TENM2: variants seen among roughly 807,000 people sequenced by gnomAD.
TENM2 encodes the protein teneurin-2.
In TENM2, 52 loss-of-function variants were observed where a neutral mutation model predicts 245.2. The ratio of observed to expected loss-of-function variants is 0.21; its 90% confidence interval spans 0.17 to 0.27. The LOEUF (loss-of-function observed/expected upper bound fraction) is 0.27. TENM2 is among the 10% of genes least tolerant of loss of function. The pLI is 1.00. For synonymous variants in TENM2, 1,363 were observed against 1,438.9 expected, an observed-to-expected ratio of 0.95 and a Z score of 1.19; for missense variants, 3,046 against 3,666.8, an observed-to-expected ratio of 0.83 and a Z score of 4.37.
chr5:167,926,002 G>T (rs1437255790), intron 3 of TENM2, among the ~76,000 whole-genome samples: 1 of 152,124 alleles, frequency 6.6e-6, no homozygotes, highest in African/African-American at 2.4e-5. Flanking sequence ...TCACTATTGG[G>T]AACTGGGCTT....
the TENM2 span, among the ~76,000 whole-genome samples, chr5:167,182,499 A>G: frequency 2.0e-5 from 3 of 152,280 alleles, no homozygotes; most frequent in African/African-American, 7.2e-5. Flanking sequence ...TTATACTTTT[A>G]AGAAAGGCTT....
At chr5:167,569,652 T>C (rs1253215226) in intron 2 of TENM2, among the ~76,000 whole-genome samples, 1 of 152,214 alleles carries the variant, frequency 6.6e-6, no homozygotes, top group Non-Finnish European at 1.5e-5. Context: ...GTTGCAAGGT[T>C]AGAAATTAGA....
At chr5:168,250,026 G>T (rs1766955024) in intron 27 of TENM2, among the ~76,000 whole-genome samples, 7 of 152,282 alleles carry the variant, frequency 4.6e-5, no homozygotes, top group Non-Finnish European at 1.5e-5. Context: ...AGGGAAATGA[G>T]CAAGGAAATC....
At chr5:167,756,344 C>A (rs956265844) in intron 2 of TENM2, among the ~76,000 whole-genome samples, 2 of 152,166 alleles carry the variant, frequency 1.3e-5, no homozygotes, top group African/African-American at 2.4e-5. Context: ...CTCAACCCCA[C>A]AACACAAGCT....
intron 7 of TENM2, among the ~76,000 whole-genome samples, chr5:168,089,757 C>A (rs1178584992): frequency 6.6e-6 from 1 of 152,114 alleles, no homozygotes; most frequent in Non-Finnish European, 1.5e-5. Flanking sequence ...GTAAATAACA[C>A]CAAGATAGGT....
intron 2 of TENM2, among the ~76,000 whole-genome samples, chr5:167,507,065 T>C (rs2127563783): frequency 6.6e-6 from 1 of 152,336 alleles, no homozygotes; most frequent in East Asian, 1.9e-4. Flanking sequence ...TTTTTGAATT[T>C]GTAATTGGAT....
chr5:168,251,496 G>A (rs1767110233), intron 27 of TENM2, among the ~76,000 whole-genome samples: 1 of 152,194 alleles, frequency 6.6e-6, no homozygotes. Context: ...TGTCTTCAGT[G>A]GGAGCCAAGG....
At chr5:167,594,310 A>G (rs985927066) in intron 2 of TENM2, among the ~76,000 whole-genome samples, 1 of 152,196 alleles carries the variant, frequency 6.6e-6, no homozygotes, top group Admixed American at 6.5e-5. Context: ...CCTAAATGCA[A>G]TATGTGAGAT....
intron 2 of TENM2, among the ~76,000 whole-genome samples, chr5:167,625,786 G>A (rs752263740): frequency 6.6e-6 from 1 of 152,168 alleles, no homozygotes; most frequent in Non-Finnish European, 1.5e-5. Context: ...TGCCCCAGCT[G>A]AGGTCATCTG....
At chr5:167,062,249 G>C in the TENM2 span, among the ~76,000 whole-genome samples, 1 of 152,056 alleles carries the variant, frequency 6.6e-6, no homozygotes, top group African/African-American at 2.4e-5. Flanking sequence ...AGTATGGAAT[G>C]TAATAGTTGA....
At chr5:167,342,879 A>G (rs1758209039) in intron 1 of TENM2, among the ~76,000 whole-genome samples, 2 of 150,132 alleles carry the variant, frequency 1.3e-5, no homozygotes, top group Non-Finnish European at 3.0e-5. Flanking sequence ...TTTTTTGAAG[A>G]AAGTCATTAT....
chr5:168,204,716 G>A lies in TENM2; in HGVS notation c.3824+95G>A. 3.4e-6 allele frequency: 5 copies of A among 1,490,208 alleles called. No homozygotes were observed. The South Asian group carries it at 6.5e-5, about 20-fold the overall frequency. 92.3% of individuals were successfully genotyped at this position (1,490,208 alleles called of 1,614,324 possible). A position where few individuals can be genotyped will look rare whatever the true frequency, so the allele number is the denominator to read the frequency against. The stretch of plus-strand genomic sequence containing the variant: ...CTGGGGCTGCATTTGGGATTCTCCA[G>A]AGAAGATATAGTCCTTGTGATCCAA... On this transcript the variant is annotated intron_variant, in intron 19 of 28. Coordinates refer to ENST00000518659, the Ensembl canonical transcript of TENM2.
At chr5:167,095,557 T>C in the TENM2 span, among the ~76,000 whole-genome samples, 2 of 152,280 alleles carry the variant, frequency 1.3e-5, no homozygotes, top group Admixed American at 6.5e-5. Context: ...CCTGGAGTGA[T>C]TGAAAGGACA....
the TENM2 span, among the ~76,000 whole-genome samples, chr5:167,224,018 C>A: frequency 2.6e-5 from 4 of 151,988 alleles, no homozygotes; most frequent in African/African-American, 4.8e-5. Context: ...ATGTTCTTTG[C>A]CCCGCTTTTT....
the TENM2 span, among the ~76,000 whole-genome samples, chr5:167,082,049 G>T: frequency 1.3e-5 from 2 of 152,148 alleles, no homozygotes; most frequent in Admixed American, 1.3e-4. Flanking sequence ...GTGTAAAAGT[G>T]CTTTCCTCAT....
intron 2 of TENM2, among the ~76,000 whole-genome samples, chr5:167,842,147 G>C (rs548660099): frequency 6.6e-6 from 1 of 151,966 alleles, no homozygotes; most frequent in Admixed American, 6.6e-5. Flanking sequence ...AGAAGCTGGC[G>C]TCATTGCCAT....
intron 2 of TENM2, among the ~76,000 whole-genome samples, chr5:167,606,625 A>C (rs1474997363): frequency 6.6e-6 from 1 of 151,972 alleles, no homozygotes; most frequent in South Asian, 2.1e-4. Flanking sequence ...GTAGTTCCCA[A>C]CCCCGACTAC....
At chr5:168,013,199 G>A (rs1289492834) in intron 5 of TENM2, among the ~76,000 whole-genome samples, 1 of 152,156 alleles carries the variant, frequency 6.6e-6, no homozygotes, top group African/African-American at 2.4e-5. Context: ...TTTCAAAAGA[G>A]TCTAGGAAAG....
In TENM2 at chr5:168,076,122, C is replaced by T. The variant is rs189607738; in HGVS notation, c.1515+13857C>T. ...TCAATTGTATGTATATTCCACAATG[C>T]GTGTGACCATTCACCTGTTGATGGA... On this transcript the variant is annotated intron_variant, in intron 7 of 28. Transcript: ENST00000518659. Among the ~76,000 whole-genome samples the T allele has an allele frequency of 7.2e-5, 11 of 152,174 alleles. No homozygotes were observed. The East Asian group carries it at 9.6e-4, about 13-fold the overall frequency.
Sources: gnomAD v4.1 joint callset for allele counts (sites outside exome capture counted in the v4.1 genomes callset) on GRCh38, gnomAD v4.1.1 for gene constraint, MANE v1.5 for transcripts, NCBI Gene and HGNC (gene_info 2026-07-23, HGNC 2026-07-21) for gene names.